Variants in AAK1 observed in about 807,000 individuals in gnomAD.
The protein encoded by AAK1 is AP2 associated kinase 1, also known as AP2-associated protein kinase 1.
AAK1 carries 37 observed loss-of-function variants against 116.0 expected under a neutral mutation model. That is an observed-to-expected ratio of 0.32 (90% confidence interval 0.25 to 0.42). The LOEUF (loss-of-function observed/expected upper bound fraction) is 0.42, where lower values mean the gene tolerates loss of function less well. Among genes scored for constraint, AAK1 ranks in the 10% least tolerant of loss-of-function variants. The pLI is 1.00. For missense variants in AAK1, 919 were observed against 1,170.6 expected (o/e 0.79, Z 3.14); for synonymous variants, 458 against 439.9 (o/e 1.04, Z -0.51).
At chr2:69,527,482 A>G (rs887999125) in intron 8 of AAK1, among the ~76,000 whole-genome samples, 163 bp from the exon 9 acceptor site, 5 of 152,216 alleles carry the variant, frequency 3.3e-5, no homozygotes, top group Non-Finnish European at 7.3e-5. Context: ...TAGAAAGAGA[A>G]GCTCTAATGT....
chr2:69,573,288 C>T (rs531342700), intron 2 of AAK1, among the ~76,000 whole-genome samples: 81 of 152,260 alleles, frequency 5.3e-4, no homozygotes, highest in Middle Eastern at 6.8e-3. Flanking sequence ...TAGGAAAGTG[C>T]TCATTCATTC....
At chr2:69,530,273 A>G in intron 7 of AAK1, 133 bp from the exon 8 acceptor site, 4 of 977,626 alleles carry the variant, frequency 4.1e-6, no homozygotes, top group Non-Finnish European at 5.7e-6. Context: ...TATTAGAAAC[A>G]TGAGTTTTAG....
chr2:69,519,819 A>G (rs190363402), intron 11 of AAK1, among the ~76,000 whole-genome samples: 2 of 152,336 alleles, frequency 1.3e-5, no homozygotes, highest in Admixed American at 6.5e-5. Flanking sequence ...CAAAGCATTA[A>G]AGAAACAATA....
chr2:69,629,658 C>T (rs1675074979), intron 2 of AAK1, among the ~76,000 whole-genome samples: 1 of 152,098 alleles, frequency 6.6e-6, no homozygotes, highest in African/African-American at 2.4e-5. Context: ...TATCTCAAAT[C>T]CGTCTAGTCT....
chr2:69,635,511 C>T (rs1675406419), intron 2 of AAK1, among the ~76,000 whole-genome samples: 1 of 152,186 alleles, frequency 6.6e-6, no homozygotes, highest in African/African-American at 2.4e-5. Flanking sequence ...ACTGTAGCAA[C>T]ATTATTCACA....
In AAK1 at chr2:69,530,737, T is replaced by C. The variant is rs753759461; in HGVS notation, c.657-31A>G. On this transcript the variant is annotated intron_variant, in intron 6 of 21. Transcript: ENST00000409085. The stretch of plus-strand genomic sequence containing the variant: ...ATCAAGAGATTCATTTTTTATTAAA[T>C]ATGTCAATACTATAATTAAAAACCA... 7.3e-5 allele frequency: 111 copies of C among 1,512,296 alleles called. 2 individuals carry two copies. The highest frequency in any genetic ancestry group is 7.3e-4 in the Admixed American group (43 of 59,226). 93.7% of individuals were successfully genotyped at this position (1,512,296 alleles called of 1,614,324 possible). A position where few individuals can be genotyped will look rare whatever the true frequency, so the allele number is the denominator to read the frequency against.
intron 3 of AAK1, among the ~76,000 whole-genome samples, chr2:69,551,784 C>T (rs1218122092): frequency 6.6e-6 from 1 of 152,188 alleles, no homozygotes; most frequent in African/African-American, 2.4e-5. Flanking sequence ...CAGATCCCTT[C>T]GACTCTATCA....
At chr2:69,605,816 C>A (rs1032609492) in intron 2 of AAK1, among the ~76,000 whole-genome samples, 5 of 152,198 alleles carry the variant, frequency 3.3e-5, no homozygotes, top group African/African-American at 7.2e-5. Flanking sequence ...CCCCTGCCCC[C>A]ACACTGCCCC....
intron 3 of AAK1, among the ~76,000 whole-genome samples, chr2:69,551,981 C>G (rs948517377): frequency 6.6e-6 from 1 of 152,206 alleles, no homozygotes; most frequent in Non-Finnish European, 1.5e-5. Context: ...AGTATGAACA[C>G]CCAAACCTCA....
At chr2:69,563,996 G>A (rs999544526) in intron 2 of AAK1, among the ~76,000 whole-genome samples, 2 of 151,906 alleles carry the variant, frequency 1.3e-5, no homozygotes, top group Non-Finnish European at 2.9e-5. Context: ...GATTGAGACC[G>A]TCCTAGCTAA....
intron 2 of AAK1, among the ~76,000 whole-genome samples, chr2:69,633,404 C>A (rs1320914692): frequency 1.3e-5 from 2 of 151,684 alleles, no homozygotes; most frequent in African/African-American, 4.8e-5. Context: ...AGATCGAGAC[C>A]ATCCTGGTCA....
intron 10 of AAK1, among the ~76,000 whole-genome samples, chr2:69,524,218 A>T (rs987007993): frequency 6.6e-6 from 1 of 152,136 alleles, no homozygotes; most frequent in Non-Finnish European, 1.5e-5. Flanking sequence ...GCTAACCAAA[A>T]GTCAGGACAC....
At chr2:69,598,472 A>G (rs919670312) in intron 2 of AAK1, 6 of 207,952 alleles carry the variant, frequency 2.9e-5, no homozygotes, top group Non-Finnish European at 4.1e-5. Context: ...GAATTTCTTA[A>G]AAGTGGATAT....
chr2:69,643,293 A>G lies in AAK1; in HGVS notation c.-234-19T>C. The G allele has an allele frequency of 1.5e-6, 2 of 1,371,454 alleles. No individual in the cohort carries two copies. The allele number at this position is 1,371,454 out of a possible 1,614,324, so 85.0% of individuals were successfully genotyped here. A position where few individuals can be genotyped will look rare whatever the true frequency, so the allele number is the denominator to read the frequency against. ...TTTAAACCTGTGATGACAGAGGAAG[A>G]AAGAGAGGATGAATCAGTAACACGC... On this transcript the variant is annotated intron_variant, in intron 1 of 21. Transcript: ENST00000409085.
Position 69,514,493 on chromosome 2 carries a change from G to C in AAK1, c.1754C>G (p.Pro585Arg). The change falls in exon 13 of 22, where the codon CCA becomes CGA. Residue 585 changes from proline (P) to arginine (R), a missense_variant. This residue lies in a region of AAK1 where 125 missense variants were observed against 184.1 expected (regional missense o/e 0.68). Coordinates refer to ENST00000409085, the MANE Select transcript of AAK1 (RefSeq NM_014911.5). ...PQPQPAAAPQPAPAQEPAIQA... is the reference protein window; with the variant it reads ...PQPQPAAAPQRAPAQEPAIQA... ...TACCGCTGGCTCCTGGGCAGGGGCT[G>C]GCTGTGGGGCTGCAGCTGGCTGTGG... 3.9e-6 allele frequency: 6 copies of C among 1,548,888 alleles called. No homozygotes were observed. The highest frequency in any genetic ancestry group is 5.2e-6 in the Non-Finnish European group (6 of 1,145,554).
At position 69,466,205 on chromosome 2, in the gene AAK1, T is replaced by A; in HGVS notation, c.*9664A>T. 1 of 1,289,826 alleles carries A rather than the reference T, an allele frequency of 7.8e-7. No homozygotes were observed. Among genetic ancestry groups the A allele is most frequent in the Non-Finnish European group, 1.0e-6 (1 of 988,870 alleles). 79.9% of individuals were successfully genotyped at this position (1,289,826 alleles called of 1,614,324 possible). A position where few individuals can be genotyped will look rare whatever the true frequency, so the allele number is the denominator to read the frequency against. On this transcript the variant is annotated 3_prime_UTR_variant, in exon 22 of 22. Transcript: ENST00000409085. ...TTCTTCCACCTTGCACTGTCTTTGC[T>A]TGCTCAGGAGAGACTTCTGGTGGAG...
intron 2 of AAK1, chr2:69,598,206 T>C (rs895052942): frequency 1.4e-6 from 1 of 719,532 alleles, no homozygotes; most frequent in Admixed American, 3.4e-5. Flanking sequence ...TCCATCGATA[T>C]TTGAAATTTA....
chr2:69,638,862 A>G (rs770816638), intron 2 of AAK1, among the ~76,000 whole-genome samples: 21 of 152,188 alleles, frequency 1.4e-4, no homozygotes, highest in Non-Finnish European at 2.8e-4. Context: ...AGTGCTGGAC[A>G]CTTATCTCAG....
intron 2 of AAK1, among the ~76,000 whole-genome samples, chr2:69,600,307 GCACT>G (rs1281684676): frequency 8.8e-6 from 1 of 113,218 alleles, no homozygotes; most frequent in African/African-American, 3.4e-5. Flanking sequence ...TTTTTTTTTT[GCACT>G]AACAATCAGT....
Sources: gnomAD v4.1 joint callset for allele counts (sites outside exome capture counted in the v4.1 genomes callset) on GRCh38, gnomAD v4.1.1 for gene constraint, gnomAD v4.1.1 regional missense constraint, MANE v1.5 for transcripts, NCBI Gene and HGNC (gene_info 2026-07-23, HGNC 2026-07-21) for gene names.